Variants in EML6 observed in about 807,000 individuals in gnomAD.
The protein encoded by EML6 is EMAP like 6.
EML6 carries 154 observed loss-of-function variants against 240.1 expected under a neutral mutation model. That is an observed-to-expected ratio of 0.64 (90% CI 0.56 to 0.73). The LOEUF (loss-of-function observed/expected upper bound fraction) is 0.73. EML6 is among the 30% of genes least tolerant of loss of function. The pLI, the probability that EML6 is intolerant of heterozygous loss-of-function variation, is 0.00. For synonymous variants in EML6, 1,148 were observed against 899.0 expected, an observed-to-expected ratio of 1.28 and a Z score of -4.95; for missense variants, 2,964 against 2,474.6, an observed-to-expected ratio of 1.20 and a Z score of -4.20.
chr2:54,817,805 TA>T (rs545717672), intron 4 of EML6, among the ~76,000 whole-genome samples: 356 of 145,444 alleles, frequency 2.4e-3, no homozygotes, highest in Non-Finnish European at 3.3e-3. Context: ...AAGGAACTCT[TA>T]AAAAAAAAAA....
rs969481433 is a variant in EML6 at position 54,725,282 on chromosome 2, G to A, written c.197+24G>A. Reference sequence around the variant, plus strand: ...AGGTAAGGGGGTGGCCAGGGGCGGCGGGGAGGGGTTGCGTGTGGAGGCTGG... The same window carrying A: ...AGGTAAGGGGGTGGCCAGGGGCGGCAGGGAGGGGTTGCGTGTGGAGGCTGG... On this transcript the variant is annotated intron_variant, in intron 2 of 41. Coordinates refer to ENST00000356458, the MANE Select transcript of EML6 (RefSeq NM_001039753.4). This position sits in a 1 kb window ranked among gnomAD's most constrained non-coding sequence, Gnocchi z 4.3. The A allele has an allele frequency of 2.9e-6, 4 of 1,386,956 alleles. No individual in the cohort carries two copies. The highest frequency in any genetic ancestry group is 2.9e-5 in the Admixed American group (1 of 34,128). 85.9% of individuals were successfully genotyped at this position (1,386,956 alleles called of 1,614,324 possible).
chr2:54,867,739 C>G (rs1304266255), intron 14 of EML6: 1 of 152,142 alleles, frequency 6.6e-6, no homozygotes, highest in Non-Finnish European at 1.5e-5. Flanking sequence ...AACAGTGAGG[C>G]CCTGTCCCAA....
In EML6 at chr2:54,824,406, G is replaced by T. The variant is rs891978705; in HGVS notation, c.526-3160G>T. Among the ~76,000 whole-genome samples the T allele has an allele frequency of 5.3e-5, 8 of 152,130 alleles. No individual in the cohort carries two copies. The East Asian group carries it at 1.2e-3, about 22-fold the overall frequency. On this transcript the variant is annotated intron_variant, in intron 5 of 41. Transcript: ENST00000356458. ...CTTAGAAATATAATACATTTAAGCG[G>T]ACTTCAAAAAATTATTTTTGCTGTC...
intron 2 of EML6, among the ~76,000 whole-genome samples, chr2:54,755,609 G>C (rs1327326294): frequency 6.6e-6 from 1 of 151,908 alleles, no homozygotes; most frequent in East Asian, 1.9e-4. Flanking sequence ...TATTGCAGAT[G>C]GTATACTTTC....
At chr2:54,962,353 C>G (rs1029071593) in intron 35 of EML6, among the ~76,000 whole-genome samples, 170 bp from the exon 36 acceptor site, 4 of 152,056 alleles carry the variant, frequency 2.6e-5, no homozygotes, top group Non-Finnish European at 5.9e-5. Flanking sequence ...ACTTTTCTTG[C>G]AAAACTGTAA....
intron 28 of EML6, among the ~76,000 whole-genome samples, chr2:54,943,778 A>T (rs1045479461): frequency 6.6e-6 from 1 of 152,216 alleles, no homozygotes; most frequent in African/African-American, 2.4e-5. Flanking sequence ...AACTCGATAT[A>T]TTAAAAAATA....
intron 32 of EML6, 43 bp downstream of exon 32, chr2:54,954,199 T>C: frequency 6.6e-7 from 1 of 1,520,524 alleles, no homozygotes; most frequent in African/African-American, 1.4e-5. Context: ...GGTGTCTGCC[T>C]GTGGGTGTCG....
rs974207808 is a variant in EML6, at chr2:54,959,328, G to A, written c.4853+67G>A. The A allele has an allele frequency of 4.2e-6, 6 of 1,423,324 alleles. No homozygotes were observed. In the Admixed American group the frequency reaches 1.6e-4, roughly 38 times the overall value. The allele number at this position is 1,423,324 out of a possible 1,614,324, so 88.2% of individuals were successfully genotyped here. On this transcript the variant is annotated intron_variant, in intron 34 of 41. Coordinates refer to ENST00000356458, the MANE Select transcript of EML6 (RefSeq NM_001039753.4). ...TATCTTGGGAGAAACTGACAAAAGT[G>A]TTCCCAACTTGGAGAAAATGCAGAC... is the stretch of plus-strand genomic sequence containing the variant.
chr2:54,833,266 C>G (rs1668969271), intron 7 of EML6, among the ~76,000 whole-genome samples: 1 of 152,126 alleles, frequency 6.6e-6, no homozygotes, highest in African/African-American at 2.4e-5. Flanking sequence ...CTGTAGACAT[C>G]TATAAGATTT....
At chr2:54,826,680 A>G (rs181138904) in intron 5 of EML6, among the ~76,000 whole-genome samples, 7 of 152,342 alleles carry the variant, frequency 4.6e-5, no homozygotes, top group Admixed American at 1.3e-4. Flanking sequence ...ACTGCCTTGT[A>G]TAAAATTGCT....
intron 2 of EML6, among the ~76,000 whole-genome samples, chr2:54,780,304 T>C (rs1238404594): frequency 6.6e-6 from 1 of 152,246 alleles, no homozygotes; most frequent in Non-Finnish European, 1.5e-5. Context: ...AACAATTTAC[T>C]AGACTAGATT....
intron 5 of EML6, among the ~76,000 whole-genome samples, chr2:54,823,831 A>G (rs1004647160): frequency 3.6e-5 from 4 of 111,654 alleles, no homozygotes; most frequent in African/African-American, 1.3e-4. Flanking sequence ...CTGAGGCTGA[A>G]TTAATATTCA....
intron 11 of EML6, among the ~76,000 whole-genome samples, chr2:54,857,421 G>C (rs945204116): frequency 1.3e-5 from 2 of 152,148 alleles, no homozygotes; most frequent in Non-Finnish European, 2.9e-5. Context: ...AGACAGGTGT[G>C]GCCTTCATTT....
At chr2:54,926,775 CCTCT>C (rs1401518114) in intron 26 of EML6, among the ~76,000 whole-genome samples, 2 of 152,200 alleles carry the variant, frequency 1.3e-5, no homozygotes, top group South Asian at 4.1e-4. Context: ...TGAATTTTTT[CCTCT>C]CTCTTTCTTC....
At chr2:54,923,834 A>G (rs529270307) in intron 26 of EML6, among the ~76,000 whole-genome samples, 9 of 152,246 alleles carry the variant, frequency 5.9e-5, no homozygotes, top group East Asian at 5.8e-4. Flanking sequence ...AACTGTTCCA[A>G]TGTTTTTCAC....
intron 5 of EML6, among the ~76,000 whole-genome samples, chr2:54,822,053 A>G (rs1337248858): frequency 1.3e-5 from 2 of 152,200 alleles, no homozygotes; most frequent in African/African-American, 2.4e-5. Context: ...CAAAATAGAT[A>G]CTGGGTTGTT....
intron 3 of EML6, among the ~76,000 whole-genome samples, chr2:54,816,049 A>G (rs1262963347): frequency 6.6e-6 from 1 of 152,258 alleles, no homozygotes; most frequent in Non-Finnish European, 1.5e-5. Context: ...CTGGCTACTT[A>G]AAAGCAAAAA....
intron 2 of EML6, among the ~76,000 whole-genome samples, chr2:54,750,901 G>A (rs919230610): frequency 3.9e-5 from 6 of 152,178 alleles, no homozygotes; most frequent in South Asian, 2.1e-4. Context: ...TCCTCCCCGA[G>A]CCACATGGGA....
chr2:54,970,855 G>C lies in EML6; in HGVS notation c.*760G>C, dbSNP rs1413312848. 1 of 152,186 alleles carries C rather than the reference G, an allele frequency of 6.6e-6. No homozygotes were observed. The allele number at this position is 152,186 out of a possible 1,614,324, so 9.4% of individuals were successfully genotyped here. The stretch of plus-strand genomic sequence containing the variant: ...AAGGCTTCCTAAATGAAAGACATCG[G>C]TTACCTGCTTATGGGAAGGTGAGCA... On this transcript the variant is annotated 3_prime_UTR_variant, in exon 42 of 42. Coordinates refer to ENST00000356458, the MANE Select transcript of EML6 (RefSeq NM_001039753.4).
Sources: allele counts gnomAD v4.1 joint callset (sites outside exome capture counted in the v4.1 genomes callset), GRCh38; gene constraint gnomAD v4.1.1; non-coding constraint Gnocchi (gnomAD v3.1); transcripts MANE v1.5; gene names NCBI Gene and HGNC (gene_info 2026-07-23, HGNC 2026-07-21).